CDCP2: variants seen among roughly 807,000 people sequenced by gnomAD.
The protein encoded by CDCP2 is CUB domain containing protein 2, also known as CUB domain-containing protein 2.
CDCP2 carries 31 observed loss-of-function variants against 31.0 expected under a neutral mutation model. That is an observed-to-expected ratio of 1.00 (90% CI 0.75 to 1.35). The LOEUF is 1.35. Ranked by LOEUF, CDCP2 falls within the 40% of genes most tolerant of loss-of-function variation. The pLI, the probability that CDCP2 is intolerant of heterozygous loss-of-function variation, is 0.00. For synonymous variants in CDCP2, 206 were observed against 207.9 expected (o/e 0.99, Z 0.08); for missense variants, 443 against 482.6 (o/e 0.92, Z 0.77).
At chr1:54,133,913 C>CAAAAAA (rs1553173250) in intron 5 of CDCP2, among the ~76,000 whole-genome samples, 1 of 144,786 alleles carries the variant, frequency 6.9e-6, no homozygotes, top group African/African-American at 2.6e-5. Context: ...AACAAACAAA[C>CAAAAAA]AAAAAAAACC....
intron 1 of CDCP2, among the ~76,000 whole-genome samples, chr1:54,148,486 T>C (rs971553006): frequency 6.6e-6 from 1 of 150,698 alleles, no homozygotes; most frequent in African/African-American, 2.5e-5. Flanking sequence ...AACCCACTGA[T>C]GTAGACAAGT....
intron 1 of CDCP2, among the ~76,000 whole-genome samples, chr1:54,148,398 T>C (rs1462865529): frequency 1.2e-5 from 1 of 83,248 alleles, no homozygotes; most frequent in Non-Finnish European, 2.5e-5. Flanking sequence ...CAGCTGACTA[T>C]TTGACAGTGA....
intron 1 of CDCP2, among the ~76,000 whole-genome samples, chr1:54,147,047 G>C (rs2100430602): frequency 8.9e-6 from 1 of 112,568 alleles, no homozygotes; most frequent in East Asian, 3.1e-4. Flanking sequence ...CCGCACTCCA[G>C]CCTGGGTGAC....
chr1:54,139,693 A>T (rs149942295), intron 4 of CDCP2, 60 bp downstream of exon 4: 3 of 1,614,080 alleles, frequency 1.9e-6, no homozygotes, highest in South Asian at 2.2e-5. Context: ...GACTGCAAAG[A>T]CTGAGGCTGC....
chr1:54,150,425 T>G (rs1659561207), intron 1 of CDCP2, among the ~76,000 whole-genome samples: 1 of 152,026 alleles, frequency 6.6e-6, no homozygotes, highest in Non-Finnish European at 1.5e-5. Flanking sequence ...TGAAGCCCTG[T>G]CTCTACTAAA....
At chr1:54,141,381 C>T in exon 3 of CDCP2, 1 of 1,613,914 alleles carries the variant, frequency 6.2e-7, no homozygotes. Context: ...TGTTGGGATA[C>T]TCAGGACTGG....
intron 1 of CDCP2, among the ~76,000 whole-genome samples, chr1:54,149,508 G>A (rs1337971406): frequency 2.0e-5 from 3 of 149,360 alleles, no homozygotes; most frequent in Non-Finnish European, 4.4e-5. Context: ...GCGTGTGTTT[G>A]AAATTTTTCA....
chr1:54,140,039 G>C lies in CDCP2; in HGVS notation c.831C>G (p.Tyr277Ter), dbSNP rs1557706468. Reference sequence around the variant, plus strand: ...TCCAGTGGCAGCGGATGTTGTTGGGGTAGGAGCTGGGGTACTGTGGGCTGG... The same window carrying C: ...TCCAGTGGCAGCGGATGTTGTTGGGCTAGGAGCTGGGGTACTGTGGGCTGG... The change falls in exon 4 of 6, where the codon TAC (tyrosine) becomes TAG (stop). Residue 277 changes from tyrosine to a stop codon, truncating the protein, a stop_gained. Transcript: ENST00000530059. LOFTEE classifies it high-confidence loss of function. The C allele has an allele frequency of 6.2e-7, 1 of 1,613,882 alleles. No homozygotes were observed. Among genetic ancestry groups the C allele is most frequent in the Non-Finnish European group, 8.5e-7 (1 of 1,180,026 alleles).
intron 1 of CDCP2, among the ~76,000 whole-genome samples, chr1:54,148,929 C>T (rs1288311079): frequency 6.8e-6 from 1 of 147,136 alleles, no homozygotes; most frequent in Non-Finnish European, 1.5e-5. Flanking sequence ...AATGTATGGA[C>T]CTTGTTTGGA....
chr1:54,138,817 T>C (rs1211017578), intron 4 of CDCP2: 1 of 152,358 alleles, frequency 6.6e-6, no homozygotes, highest in Non-Finnish European at 1.5e-5. Context: ...ATGAAGTCTT[T>C]TCCCTCTCAG....
At chr1:54,149,239 T>A (rs1462169850) in intron 1 of CDCP2, among the ~76,000 whole-genome samples, 1 of 151,454 alleles carries the variant, frequency 6.6e-6, no homozygotes, top group African/African-American at 2.4e-5. Flanking sequence ...TCTAAAAAAA[T>A]TTTTTTAAAT....
exon 4 of CDCP2, chr1:54,139,793 G>A: frequency 6.2e-7 from 1 of 1,614,228 alleles, no homozygotes; most frequent in South Asian, 1.1e-5. Context: ...GGGTGGTGCT[G>A]CGGTCTGTGT....
At chr1:54,138,380 T>C (rs1476487711) in intron 4 of CDCP2, 1 of 152,278 alleles carries the variant, frequency 6.6e-6, no homozygotes, top group Non-Finnish European at 1.5e-5. Flanking sequence ...CCAGCTTGCA[T>C]GTGGAGCCCA....
intron 3 of CDCP2, chr1:54,140,451 T>C (rs561577225): frequency 9.7e-5 from 37 of 379,716 alleles, no homozygotes; most frequent in South Asian, 7.1e-4. Flanking sequence ...ATGTGGTTCA[T>C]GCCTGGCCTT....
At chr1:54,152,775 T>C (rs968839567) in intron 1 of CDCP2, 69 bp downstream of exon 1, 5 of 1,451,688 alleles carry the variant, frequency 3.4e-6, no homozygotes, top group Non-Finnish European at 3.8e-6. Context: ...TAGAAACTTC[T>C]TGAGCCCCTG....
intron 4 of CDCP2, among the ~76,000 whole-genome samples, chr1:54,137,574 G>A (rs1659278091): frequency 6.6e-6 from 1 of 152,136 alleles, no homozygotes; most frequent in African/African-American, 2.4e-5. Context: ...TTCAGAGTTC[G>A]TGGTCTGTTT....
chr1:54,143,560 T>C (rs1659411120), intron 2 of CDCP2: 1 of 152,054 alleles, frequency 6.6e-6, no homozygotes. Flanking sequence ...AATCTAAGGG[T>C]CTAAAATTCC....
At chr1:54,145,970 T>C (rs1009357854) in intron 1 of CDCP2, among the ~76,000 whole-genome samples, 4 of 152,140 alleles carry the variant, frequency 2.6e-5, no homozygotes, top group East Asian at 3.8e-4. Flanking sequence ...TTCAAATGAC[T>C]TTGAAAGACA....
At chr1:54,134,830 G>C (rs1449873168) in intron 5 of CDCP2, among the ~76,000 whole-genome samples, 1 of 152,064 alleles carries the variant, frequency 6.6e-6, no homozygotes, top group Non-Finnish European at 1.5e-5. Flanking sequence ...CTGCCTCCCG[G>C]GTTCAAGCGA....
Sources: gnomAD v4.1 joint callset for allele counts (sites outside exome capture counted in the v4.1 genomes callset) on GRCh38, gnomAD v4.1.1 for gene constraint, MANE v1.5 for transcripts, NCBI Gene and HGNC (gene_info 2026-07-23, HGNC 2026-07-21) for gene names.